Variants in RALA observed in about 807,000 individuals in gnomAD.
The protein encoded by RALA is ras-related protein Ral-A.
A neutral mutation model predicts 24.0 loss-of-function variants in RALA; 5 were observed. The observed-to-expected ratio is 0.21, with a 90% CI of 0.11 to 0.44. The LOEUF is 0.44. Among genes scored for constraint, RALA ranks in the 20% least tolerant of loss-of-function variants. The pLI, the probability that RALA is intolerant of heterozygous loss-of-function variation, is 0.99. For synonymous variants in RALA, 77 were observed against 83.8 expected, an observed-to-expected ratio of 0.92 and a Z score of 0.44; for missense variants, 95 against 241.2, an observed-to-expected ratio of 0.39 and a Z score of 4.01.
At chr7:39,627,075 CTCTT>C (rs1333740510) in intron 1 of RALA, among the ~76,000 whole-genome samples, 3 of 149,080 alleles carry the variant, frequency 2.0e-5, no homozygotes, top group East Asian at 1.9e-4. Context: ...CTCTCTCTCT[CTCTT>C]TTTTTTTTTT....
At chr7:39,654,140 C>A (rs915727781) in intron 1 of RALA, among the ~76,000 whole-genome samples, 4 of 152,192 alleles carry the variant, frequency 2.6e-5, no homozygotes, top group Middle Eastern at 3.4e-3. Context: ...GTCACATCAC[C>A]CTATCAGTAA....
chr7:39,625,267 T>C (rs1174478368), intron 1 of RALA, among the ~76,000 whole-genome samples: 3 of 152,224 alleles, frequency 2.0e-5, no homozygotes, highest in Admixed American at 6.5e-5. Context: ...TTCTTTGCCT[T>C]CCAAAACTAT....
At chr7:39,686,205 CAAAAAAAAAA>C (rs35214885) in intron 1 of RALA, among the ~76,000 whole-genome samples, 4 of 93,126 alleles carry the variant, frequency 4.3e-5, no homozygotes, top group Non-Finnish European at 8.3e-5. Flanking sequence ...GACTCCGTCT[CAAAAAAAAAA>C]AAAAAAAAGG....
chr7:39,648,834 C>T (rs770134353), intron 1 of RALA, among the ~76,000 whole-genome samples: 1 of 152,010 alleles, frequency 6.6e-6, no homozygotes, highest in South Asian at 2.1e-4. Flanking sequence ...TCGAGGCAAG[C>T]GGATCACTTG....
intron 1 of RALA, among the ~76,000 whole-genome samples, chr7:39,634,508 G>A (rs1036608994): frequency 2.0e-5 from 3 of 152,096 alleles, no homozygotes; most frequent in Non-Finnish European, 4.4e-5. Context: ...TTTAGTCTGA[G>A]GGAAATCTGT....
chr7:39,633,138 CT>C (rs1162488831), intron 1 of RALA, among the ~76,000 whole-genome samples: 1 of 152,314 alleles, frequency 6.6e-6, no homozygotes, highest in East Asian at 1.9e-4. Context: ...GGTGTGTGTG[CT>C]TTGCAGATGA....
chr7:39,635,467 A>G (rs750568395), intron 1 of RALA, among the ~76,000 whole-genome samples: 9 of 152,286 alleles, frequency 5.9e-5, no homozygotes, highest in Middle Eastern at 6.8e-3. Flanking sequence ...CATTACTTTC[A>G]AAAAGAAAGC....
At chr7:39,662,425 A>G (rs543328126) in intron 1 of RALA, among the ~76,000 whole-genome samples, 1 of 152,176 alleles carries the variant, frequency 6.6e-6, no homozygotes, top group South Asian at 2.1e-4. Flanking sequence ...TTTCCCTTTT[A>G]AAACTGAATG....
intron 1 of RALA, among the ~76,000 whole-genome samples, chr7:39,668,524 C>T (rs192443982): frequency 1.6e-4 from 24 of 152,184 alleles, no homozygotes; most frequent in Admixed American, 2.6e-4. Flanking sequence ...TAAGGCTGGG[C>T]GCAGTGACTC....
At chr7:39,661,846 C>G (rs567837916) in intron 1 of RALA, among the ~76,000 whole-genome samples, 129 of 152,318 alleles carry the variant, frequency 8.5e-4, no homozygotes, top group Non-Finnish European at 1.5e-3. Context: ...GGCTTCAACC[C>G]CACATTTCCC....
rs1328382604 is a variant in RALA at position 39,637,731 on chromosome 7, T to C, written c.-38+13906T>C. ...TGCTATTTCCTCCCAGCTTTTTGTTTTGAAACATTTCAAACCTATAGAAAA... is the reference window on the plus strand; with the variant it reads ...TGCTATTTCCTCCCAGCTTTTTGTTCTGAAACATTTCAAACCTATAGAAAA... On this transcript the variant is annotated intron_variant, in intron 1 of 4. Coordinates refer to ENST00000005257, the MANE Select transcript of RALA (RefSeq NM_005402.4). Among the ~76,000 whole-genome samples, 3 of 152,348 alleles carry C rather than the reference T, an allele frequency of 2.0e-5. No homozygotes were observed. In the East Asian group the frequency reaches 5.8e-4, roughly 29 times the overall value.
intron 1 of RALA, among the ~76,000 whole-genome samples, chr7:39,634,127 C>A (rs990490000): frequency 6.6e-6 from 1 of 152,156 alleles, no homozygotes; most frequent in Admixed American, 6.5e-5. Flanking sequence ...GAACTCCTTA[C>A]AACTCTCAGT....
At chr7:39,652,380 A>G (rs931635621) in intron 1 of RALA, among the ~76,000 whole-genome samples, 2 of 152,194 alleles carry the variant, frequency 1.3e-5, no homozygotes, top group African/African-American at 4.8e-5. Context: ...TAATTCACAT[A>G]CAAATTCACC....
intron 1 of RALA, among the ~76,000 whole-genome samples, chr7:39,670,115 A>G (rs1365873307): frequency 6.6e-6 from 1 of 152,204 alleles, no homozygotes; most frequent in African/African-American, 2.4e-5. Flanking sequence ...TATACTTTTA[A>G]AGATTAGATC....
intron 1 of RALA, among the ~76,000 whole-genome samples, chr7:39,684,779 G>A (rs939639186): frequency 6.6e-6 from 1 of 151,980 alleles, no homozygotes; most frequent in Admixed American, 6.6e-5. Context: ...ATTTGTGTTG[G>A]GCATTCAAAG....
chr7:39,634,607 A>G (rs1006915645), intron 1 of RALA, among the ~76,000 whole-genome samples: 7 of 152,030 alleles, frequency 4.6e-5, no homozygotes, highest in Non-Finnish European at 1.0e-4. Context: ...TAATGTTTGA[A>G]TAATTGGTAA....
At position 39,625,330 on chromosome 7, in the gene RALA, G is replaced by C. The variant is rs561452527; in HGVS notation, c.-38+1505G>C. On this transcript the variant is annotated intron_variant, in intron 1 of 4. Coordinates refer to ENST00000005257, the MANE Select transcript of RALA (RefSeq NM_005402.4). ...AAAATTGTGCTGGGCATTATAACTT[G>C]TATTCTAGTGTTAAATGCTTACTAC... Among the ~76,000 whole-genome samples the C allele has an allele frequency of 3.3e-5, 5 of 152,320 alleles. No homozygotes were observed. In the East Asian group the frequency reaches 5.8e-4, roughly 18 times the overall value.
intron 1 of RALA, among the ~76,000 whole-genome samples, chr7:39,668,924 G>C (rs1398291983): frequency 6.7e-6 from 1 of 148,892 alleles, no homozygotes; most frequent in Non-Finnish European, 1.5e-5. Flanking sequence ...GACCATCCAG[G>C]CCGACATGGT....
chr7:39,627,719 C>G (rs1326516858), intron 1 of RALA, among the ~76,000 whole-genome samples: 4 of 152,192 alleles, frequency 2.6e-5, no homozygotes, highest in African/African-American at 7.2e-5. Flanking sequence ...CACTGCGTGA[C>G]CAAACACTGA....
Sources: gnomAD v4.1 joint callset for allele counts (sites outside exome capture counted in the v4.1 genomes callset) on GRCh38, gnomAD v4.1.1 for gene constraint, MANE v1.5 for transcripts, NCBI Gene and HGNC (gene_info 2026-07-23, HGNC 2026-07-21) for gene names.